Variants in NMT2 observed in about 807,000 individuals in gnomAD.
NMT2 encodes the protein N-myristoyltransferase 2, also known as glycylpeptide N-tetradecanoyltransferase 2.
Under a neutral mutation model 65.4 loss-of-function variants are expected in NMT2, and 35 were observed. The ratio of observed to expected loss-of-function variants is 0.54; its 90% CI spans 0.41 to 0.71. NMT2 has a LOEUF of 0.71. Ranked by LOEUF, NMT2 falls within the 30% of genes least tolerant of loss-of-function variation. The pLI is 0.00. For synonymous variants in NMT2, 226 were observed against 231.8 expected (o/e 0.98, Z 0.23); for missense variants, 489 against 611.3 (o/e 0.80, Z 2.11).
chr10:15,130,420 A>C, intron 6 of NMT2, 108 bp from the exon 7 acceptor site: 4 of 884,116 alleles, frequency 4.5e-6, no homozygotes, highest in Non-Finnish European at 6.5e-6. Context: ...AAGAATAAGA[A>C]TGCAGGCTGG....
At chr10:15,166,498 A>G (rs1195541008) in intron 1 of NMT2, among the ~76,000 whole-genome samples, 1 of 152,238 alleles carries the variant, frequency 6.6e-6, no homozygotes, top group Non-Finnish European at 1.5e-5. Flanking sequence ...GAGCCAAATA[A>G]AACACATTTA....
chr10:15,128,630 C>T (rs1305454746), intron 7 of NMT2, among the ~76,000 whole-genome samples, 172 bp from the exon 8 acceptor site: 1 of 152,208 alleles, frequency 6.6e-6, no homozygotes, highest in Non-Finnish European at 1.5e-5. Flanking sequence ...CTCTAAAATA[C>T]ATCTTATACT....
chr10:15,143,336 A>T (rs1406532140), intron 1 of NMT2, among the ~76,000 whole-genome samples: 1 of 152,192 alleles, frequency 6.6e-6, no homozygotes, highest in Admixed American at 6.5e-5. Context: ...TCCCTCTCCC[A>T]CTTCTACCAT....
At chr10:15,109,650 A>G in intron 11 of NMT2, 52 bp downstream of exon 11, 4 of 1,405,012 alleles carry the variant, frequency 2.8e-6, no homozygotes, top group South Asian at 1.6e-5. Context: ...CAAGTATGAA[A>G]TTGTCTAGGT....
At chr10:15,122,451 T>C (rs959159588) in intron 8 of NMT2, among the ~76,000 whole-genome samples, 2 of 151,910 alleles carry the variant, frequency 1.3e-5, no homozygotes, top group African/African-American at 4.8e-5. Flanking sequence ...GGAGTCTTAC[T>C]CTGTCGCCCA....
chr10:15,147,819 A>G (rs752567916), intron 1 of NMT2, among the ~76,000 whole-genome samples: 4 of 152,240 alleles, frequency 2.6e-5, no homozygotes, highest in African/African-American at 9.6e-5. Flanking sequence ...TGATAACTTC[A>G]TAATGTCCGT....
Position 15,108,481 on chromosome 10 carries a change from G to T in NMT2, c.*714C>A. 1.0e-6 allele frequency: 1 copy of T among 985,298 alleles called. No individual in the cohort carries two copies. 61.0% of individuals were successfully genotyped at this position (985,298 alleles called of 1,614,324 possible). A position where few individuals can be genotyped will look rare whatever the true frequency, so the allele number is the denominator to read the frequency against. On this transcript the variant is annotated 3_prime_UTR_variant, in exon 12 of 12. Coordinates refer to ENST00000378165, the MANE Select transcript of NMT2 (RefSeq NM_004808.3). ...ATTACAGGCGTGAGCCACCACGCCC[G>T]GCCTCAGGCTCTTTCAGAGAGCACA...
In NMT2 at chr10:15,109,769, C is replaced by A; in HGVS notation, c.1409G>T (p.Gly470Val). The change falls in exon 11 of 12, where the codon GGT becomes GTT. Residue 470 changes from glycine to valine, a missense_variant. By Grantham distance (109) the Gly-to-Val change is moderately radical. Coordinates refer to ENST00000378165, the MANE Select transcript of NMT2 (RefSeq NM_004808.3). Reference sequence around the variant, plus strand: ...ATACTGCAAATTGCCATCTCCTATACCAAACTTGAGTTTTTCCAAGAATGT... The same window carrying A: ...ATACTGCAAATTGCCATCTCCTATAACAAACTTGAGTTTTTCCAAGAATGT... The part of the protein sequence containing the change: ...NKTFLEKLKF[G>V]IGDGNLQYYL... The A allele has an allele frequency of 6.2e-7, 1 of 1,613,774 alleles. No homozygotes were observed. The highest frequency in any genetic ancestry group is 8.5e-7 in the Non-Finnish European group (1 of 1,179,830).
intron 1 of NMT2, chr10:15,154,786 C>G: frequency 1.4e-6 from 1 of 722,772 alleles, no homozygotes; most frequent in Non-Finnish European, 2.5e-6. Context: ...AGATAAAACA[C>G]AAGTCAAACT....
rs1272536235 is a variant in NMT2 at position 15,109,066 on chromosome 10, C to T, written c.*129G>A. ...AATGTCACATGTGGACTTTTGTCAT[C>T]TTTTCTGATTATCGACTACTTCAAT... On this transcript the variant is annotated 3_prime_UTR_variant, in exon 12 of 12. Transcript: ENST00000378165. The T allele has an allele frequency of 2.0e-6, 3 of 1,518,624 alleles. No homozygotes were observed. Among genetic ancestry groups the T allele is most frequent in the Non-Finnish European group, 2.6e-6 (3 of 1,143,530 alleles). The allele number at this position is 1,518,624 out of a possible 1,614,324, so 94.1% of individuals were successfully genotyped here.
chr10:15,141,596 CA>C (rs1182343677), intron 1 of NMT2, 39 bp from the exon 2 acceptor site: 3 of 1,562,254 alleles, frequency 1.9e-6, no homozygotes, highest in Non-Finnish European at 2.6e-6. Flanking sequence ...AACCAACAAA[CA>C]AAAATCATTA....
chr10:15,135,993 G>A (rs964269086), intron 2 of NMT2, among the ~76,000 whole-genome samples: 1 of 152,024 alleles, frequency 6.6e-6, no homozygotes, highest in African/African-American at 2.4e-5. Context: ...TTGGGAGGCC[G>A]AGGTGGGCAG....
At chr10:15,156,297 C>G (rs1208705143) in intron 1 of NMT2, among the ~76,000 whole-genome samples, 4 of 152,176 alleles carry the variant, frequency 2.6e-5, no homozygotes, top group South Asian at 2.1e-4. Flanking sequence ...GCTTTCACCC[C>G]CCTCACTCTC....
At chr10:15,138,696 G>A (rs1023680847) in intron 2 of NMT2, among the ~76,000 whole-genome samples, 3 of 152,122 alleles carry the variant, frequency 2.0e-5, no homozygotes, top group Non-Finnish European at 4.4e-5. Flanking sequence ...TTTGGTTCTT[G>A]TATGTAGACC....
At position 15,168,669 on chromosome 10, in the gene NMT2, T is replaced by A. The variant is rs1414032516; in HGVS notation, c.-57A>T. 1 of 1,335,096 alleles carries A rather than the reference T, an allele frequency of 7.5e-7. No homozygotes were observed. Among genetic ancestry groups the A allele is most frequent in the African/African-American group, 1.5e-5 (1 of 65,296 alleles). The allele number at this position is 1,335,096 out of a possible 1,614,324, so 82.7% of individuals were successfully genotyped here. ...GGGGCCGGGCCGGAGCGGCCGCAGC[T>A]CCCTCTAGTGCCTCCCGCCGTACTG... On this transcript the variant is annotated 5_prime_UTR_variant, in exon 1 of 12. Transcript: ENST00000378165.
intron 9 of NMT2, 44 bp from the exon 10 acceptor site, chr10:15,113,007 C>A: frequency 5.8e-6 from 9 of 1,562,312 alleles, no homozygotes; most frequent in Non-Finnish European, 7.9e-6. Context: ...CTTGAACCAA[C>A]TGCATACGTG....
chr10:15,137,094 T>C lies in NMT2; in HGVS notation c.247-1676A>G, dbSNP rs145056903. On this transcript the variant is annotated intron_variant, in intron 2 of 11. Transcript: ENST00000378165. ...ACCATTGAAAGGTACAATCGACCCT[T>C]AGAAGTTTATAAACAGCAACTTTGG... Among the ~76,000 whole-genome samples, 89 of 152,290 alleles carry C rather than the reference T, an allele frequency of 5.8e-4. No homozygotes were observed. The South Asian group carries it at 0.012, about 20-fold the overall frequency.
intron 9 of NMT2, among the ~76,000 whole-genome samples, chr10:15,113,748 C>T (rs181581321): frequency 9.9e-5 from 15 of 152,250 alleles, no homozygotes; most frequent in Admixed American, 5.2e-4. Flanking sequence ...GAAGAGTTCG[C>T]AAGCTTGTGA....
chr10:15,155,060 G>A (rs771420349), intron 1 of NMT2: 1 of 1,300,162 alleles, frequency 7.7e-7, no homozygotes, highest in African/African-American at 1.5e-5. Flanking sequence ...GCTTCAGAAT[G>A]AAGTTCTCAT....
Sources: allele counts gnomAD v4.1 joint callset (sites outside exome capture counted in the v4.1 genomes callset), GRCh38; gene constraint gnomAD v4.1.1; transcripts MANE v1.5; gene names NCBI Gene and HGNC (gene_info 2026-07-23, HGNC 2026-07-21).